Variants in NEK11 observed in about 807,000 individuals in gnomAD.
NEK11 encodes the protein serine/threonine-protein kinase Nek11.
NEK11 carries 72 observed loss-of-function variants against 80.7 expected under a neutral mutation model. The observed-to-expected ratio is 0.89, with a 90% CI of 0.74 to 1.08. The LOEUF is 1.08. Ranked by LOEUF, NEK11 falls within the 50% of genes least tolerant of loss-of-function variation. NEK11 has a pLI of 0.00. For synonymous variants in NEK11, 251 were observed against 260.7 expected, an observed-to-expected ratio of 0.96 and a Z score of 0.36; for missense variants, 764 against 763.6, an observed-to-expected ratio of 1.00 and a Z score of -0.01.
rs2090879710 is a variant in NEK11 at position 131,157,534 on chromosome 3, A to C, written c.962+2413A>C. ...CCTGGAATAGAAAACATAGTCAATA[A>C]AATTTAGCATGAGGTAGGGGACAAG... On this transcript the variant is annotated intron_variant, in intron 10 of 17. Coordinates refer to ENST00000383366, the MANE Select transcript of NEK11 (RefSeq NM_024800.5). Among the ~76,000 whole-genome samples, 3 of 152,172 alleles carry C rather than the reference A, an allele frequency of 2.0e-5. No individual in the cohort carries two copies. The South Asian group carries it at 6.2e-4, about 32-fold the overall frequency.
In NEK11 at chr3:131,152,752, T is replaced by A. The variant is rs781491564; in HGVS notation, c.876+43T>A. On this transcript the variant is annotated intron_variant, in intron 9 of 17. Coordinates refer to ENST00000383366, the MANE Select transcript of NEK11 (RefSeq NM_024800.5). ...GATTCTGGGAAACAGGTATGAGCAT[T>A]TGTATACACATTCCATGACTTGAAG... The A allele has an allele frequency of 1.3e-5, 17 of 1,285,572 alleles. No individual in the cohort carries two copies. In the African/African-American group the frequency reaches 2.5e-4, roughly 19 times the overall value. 79.6% of individuals were successfully genotyped at this position (1,285,572 alleles called of 1,614,324 possible).
At chr3:131,125,466 A>G (rs535615233) in intron 5 of NEK11, among the ~76,000 whole-genome samples, 93 of 152,294 alleles carry the variant, frequency 6.1e-4, no homozygotes, top group African/African-American at 2.0e-3. Flanking sequence ...ACTGAGAGAG[A>G]TATTTCCTTA....
chr3:131,325,415 C>A (rs2096951631), intron 17 of NEK11: 1 of 151,324 alleles, frequency 6.6e-6, no homozygotes. Context: ...GTGATAAACA[C>A]CAGGCTCAGA....
At chr3:131,318,409 C>A (rs781461757) in intron 17 of NEK11, among the ~76,000 whole-genome samples, 76 of 152,068 alleles carry the variant, frequency 5.0e-4, no homozygotes, top group Non-Finnish European at 9.7e-4. Flanking sequence ...TGAAAATTCT[C>A]TTTAATTCAG....
intron 3 of NEK11, among the ~76,000 whole-genome samples, chr3:131,077,221 T>A (rs549967139): frequency 5.3e-5 from 8 of 152,270 alleles, no homozygotes; most frequent in African/African-American, 1.7e-4. Flanking sequence ...TGTCATGTTA[T>A]TTAGGAGGGG....
At chr3:131,184,116 G>T (rs78981787) in intron 14 of NEK11, among the ~76,000 whole-genome samples, 1 of 152,050 alleles carries the variant, frequency 6.6e-6, no homozygotes. Context: ...ATTCCATCCA[G>T]CAGGCATCAT....
chr3:131,254,888 CG>C (rs1309416316), intron 16 of NEK11, among the ~76,000 whole-genome samples: 1 of 151,796 alleles, frequency 6.6e-6, no homozygotes, highest in African/African-American at 2.4e-5. Flanking sequence ...GGCATTATGG[CG>C]GGTGCCTGTA....
chr3:131,128,840 G>C (rs963204222), intron 5 of NEK11, among the ~76,000 whole-genome samples: 1 of 152,050 alleles, frequency 6.6e-6, no homozygotes, highest in African/African-American at 2.4e-5. Context: ...GTCTCGATTT[G>C]GGCCGTTCTA....
chr3:131,057,970 A>G (rs1438492380), intron 3 of NEK11, among the ~76,000 whole-genome samples: 8 of 152,182 alleles, frequency 5.3e-5, no homozygotes, highest in Admixed American at 2.6e-4. Flanking sequence ...GCCCATGCCT[A>G]TGTCCTGAAT....
intron 17 of NEK11, among the ~76,000 whole-genome samples, chr3:131,337,725 G>C (rs1161991216): frequency 6.6e-6 from 1 of 151,966 alleles, no homozygotes; most frequent in Non-Finnish European, 1.5e-5. Context: ...ACAGTGACTG[G>C]CCTACAGAAC....
intron 16 of NEK11, among the ~76,000 whole-genome samples, chr3:131,249,947 A>G (rs2095669508): frequency 6.6e-6 from 1 of 152,154 alleles, no homozygotes; most frequent in African/African-American, 2.4e-5. Context: ...GAAACAGACA[A>G]TGTAGACAAG....
At chr3:131,028,965 T>C (rs1480637854) in intron 2 of NEK11, among the ~76,000 whole-genome samples, 4 of 152,218 alleles carry the variant, frequency 2.6e-5, no homozygotes, top group Admixed American at 2.0e-4. Context: ...AGGTTTGAAT[T>C]GAATTTGTAA....
intron 4 of NEK11, among the ~76,000 whole-genome samples, chr3:131,109,115 G>C (rs989997474): frequency 6.6e-6 from 1 of 152,050 alleles, no homozygotes; most frequent in African/African-American, 2.4e-5. Context: ...AATTTAGATT[G>C]AAGGTTTGTG....
chr3:131,347,330 T>C (rs529352116), intron 17 of NEK11, among the ~76,000 whole-genome samples: 1 of 152,294 alleles, frequency 6.6e-6, no homozygotes, highest in African/African-American at 2.4e-5. Context: ...TAAGGAGCAT[T>C]TGAAATAATG....
Position 131,336,107 on chromosome 3 carries a change from G to A in NEK11, c.1719-13450G>A, listed in dbSNP as rs536649163. The stretch of plus-strand genomic sequence containing the variant: ...TACCAATGACTTTCTTCACAGAATT[G>A]GAAAAAACTACTTTAAAGTTCATAT... On this transcript the variant is annotated intron_variant, in intron 17 of 17. Transcript: ENST00000383366. Among the ~76,000 whole-genome samples, 3 of 152,154 alleles carry A rather than the reference G, an allele frequency of 2.0e-5. No individual in the cohort carries two copies. The East Asian group carries it at 5.8e-4, about 29-fold the overall frequency.
At chr3:131,345,439 G>T (rs2097348206) in intron 17 of NEK11, among the ~76,000 whole-genome samples, 2 of 152,124 alleles carry the variant, frequency 1.3e-5, no homozygotes, top group South Asian at 4.1e-4. Flanking sequence ...GATATGAAAA[G>T]GTGCTCAGGG....
At chr3:131,295,417 T>C (rs1043905348) in intron 17 of NEK11, among the ~76,000 whole-genome samples, 1 of 152,170 alleles carries the variant, frequency 6.6e-6, no homozygotes, top group South Asian at 2.1e-4. Flanking sequence ...AAGTGTCAGA[T>C]TTTTCAGCAT....
At position 131,243,509 on chromosome 3, in the gene NEK11, C is replaced by T. The variant is rs549963994; in HGVS notation, c.1621+13C>T. 2.6e-5 allele frequency: 41 copies of T among 1,607,068 alleles called. No homozygotes were observed. The East Asian group carries it at 7.6e-4, about 30-fold the overall frequency. On this transcript the variant is annotated intron_variant, in intron 16 of 17. Coordinates refer to ENST00000383366, the MANE Select transcript of NEK11 (RefSeq NM_024800.5). The stretch of plus-strand genomic sequence containing the variant: ...TGCACTTCTCTAGGTGAGTAAGTTC[C>T]TTTAGGCTTCAAAATACATTGACAG...
chr3:131,141,663 TG>T (rs2086928682), intron 7 of NEK11, among the ~76,000 whole-genome samples: 1 of 152,186 alleles, frequency 6.6e-6, no homozygotes, highest in South Asian at 2.1e-4. Context: ...AAATATATAC[TG>T]GGAATTTAAA....
Sources: allele counts gnomAD v4.1 joint callset (sites outside exome capture counted in the v4.1 genomes callset), GRCh38; gene constraint gnomAD v4.1.1; transcripts MANE v1.5; gene names NCBI Gene and HGNC (gene_info 2026-07-23, HGNC 2026-07-21).